Variants in LDB2 observed in about 807,000 individuals in gnomAD.
The protein encoded by LDB2 is LIM domain-binding protein 2.
LDB2 carries 12 observed loss-of-function variants against 44.3 expected under a neutral mutation model. The observed-to-expected ratio is 0.27, with a 90% CI of 0.17 to 0.44. LDB2 has a LOEUF of 0.44. Among genes scored for constraint, LDB2 ranks in the 20% least tolerant of loss-of-function variants. The pLI is 1.00. For synonymous variants in LDB2, 164 were observed against 174.8 expected, an observed-to-expected ratio of 0.94 and a Z score of 0.49; for missense variants, 344 against 473.5, an observed-to-expected ratio of 0.73 and a Z score of 2.54.
At position 16,571,644 on chromosome 4, in the gene LDB2, A is replaced by G. The variant is rs140125827; in HGVS notation, c.615+14278T>C. Among the ~76,000 whole-genome samples, 651 of 152,270 alleles carry G rather than the reference A, an allele frequency of 4.3e-3. 4 individuals are homozygous for G. The highest frequency in any genetic ancestry group is 0.015 in the African/African-American group (613 of 41,552). ...GAGTCCCAGGACCTTTCTGAGCCTCAGTTTCTTTTTCTGTAAAACTAGGCC... is the reference window on the plus strand; with the variant it reads ...GAGTCCCAGGACCTTTCTGAGCCTCGGTTTCTTTTTCTGTAAAACTAGGCC... On this transcript the variant is annotated intron_variant, in intron 5 of 7. Coordinates refer to ENST00000304523, the MANE Select transcript of LDB2 (RefSeq NM_001290.5).
chr4:16,743,969 C>A (rs1262887682), intron 2 of LDB2, among the ~76,000 whole-genome samples: 2 of 152,180 alleles, frequency 1.3e-5, no homozygotes. Flanking sequence ...TTACACATCA[C>A]TAAAATCAAG....
intron 1 of LDB2, among the ~76,000 whole-genome samples, chr4:16,897,895 A>AATATATATAT (rs1174965862): frequency 2.9e-4 from 23 of 78,152 alleles, no homozygotes; most frequent in African/African-American, 6.5e-4. Flanking sequence ...TAAAAAAGAA[A>AATATATATAT]ATATATATAT....
chr4:16,868,559 G>A (rs1314370281), intron 1 of LDB2, among the ~76,000 whole-genome samples: 4 of 152,110 alleles, frequency 2.6e-5, no homozygotes, highest in East Asian at 1.9e-4. Flanking sequence ...AAAGCAAAAC[G>A]AATATTCACT....
At chr4:16,642,700 T>C (rs1209753458) in intron 2 of LDB2, among the ~76,000 whole-genome samples, 1 of 152,154 alleles carries the variant, frequency 6.6e-6, no homozygotes, top group Non-Finnish European at 1.5e-5. Flanking sequence ...AGGAAGCCCA[T>C]GGACCTTTCT....
chr4:16,608,538 C>G (rs1724611623), intron 2 of LDB2, among the ~76,000 whole-genome samples: 1 of 152,230 alleles, frequency 6.6e-6, no homozygotes, highest in Non-Finnish European at 1.5e-5. Context: ...AAAGCGGCCT[C>G]TGCGCATTCT....
At chr4:16,661,308 T>C (rs1741518992) in intron 2 of LDB2, among the ~76,000 whole-genome samples, 1 of 152,202 alleles carries the variant, frequency 6.6e-6, no homozygotes, top group Admixed American at 6.5e-5. Flanking sequence ...CCAAGTACTA[T>C]TACTTTGGCC....
intron 1 of LDB2, among the ~76,000 whole-genome samples, chr4:16,882,059 T>A (rs1720298212): frequency 6.6e-6 from 1 of 152,244 alleles, no homozygotes; most frequent in Non-Finnish European, 1.5e-5. Context: ...TATGCACGTG[T>A]GTGCATGTCT....
intron 2 of LDB2, among the ~76,000 whole-genome samples, chr4:16,745,795 C>G (rs973803474): frequency 9.3e-5 from 14 of 150,152 alleles, no homozygotes; most frequent in African/African-American, 3.4e-4. Flanking sequence ...CTGGGAGGAG[C>G]AAATGAGGAG....
intron 5 of LDB2, among the ~76,000 whole-genome samples, chr4:16,568,255 A>C (rs1348617585): frequency 2.0e-5 from 3 of 152,226 alleles, no homozygotes; most frequent in Non-Finnish European, 4.4e-5. Context: ...GAATCAGAGA[A>C]TTAATTAAAC....
At chr4:16,638,010 C>T (rs548602288) in intron 2 of LDB2, among the ~76,000 whole-genome samples, 19 of 152,200 alleles carry the variant, frequency 1.2e-4, no homozygotes, top group African/African-American at 4.3e-4. Flanking sequence ...TTTTAAAGCA[C>T]GATATTAACT....
At chr4:16,809,225 T>C (rs1245701923) in intron 1 of LDB2, among the ~76,000 whole-genome samples, 1 of 152,206 alleles carries the variant, frequency 6.6e-6, no homozygotes, top group Admixed American at 6.5e-5. Flanking sequence ...ATAACAGATA[T>C]TGACATTGTG....
At chr4:16,527,777 C>T (rs1275033449) in intron 5 of LDB2, among the ~76,000 whole-genome samples, 1 of 152,042 alleles carries the variant, frequency 6.6e-6, no homozygotes, top group Non-Finnish European at 1.5e-5. Flanking sequence ...TTTAAATTTA[C>T]AAGAGGGTAG....
Position 16,833,537 on chromosome 4 carries a change from TTTTCCTC to T in LDB2, c.132+64810_132+64816del, listed in dbSNP as rs1210143781. Among the ~76,000 whole-genome samples, 1,287 of 139,200 alleles carry T rather than the reference TTTTCCTC, an allele frequency of 9.2e-3. 18 individuals carry two copies. Among genetic ancestry groups the T allele is most frequent in the African/African-American group, 0.033 (1,226 of 37,648 alleles). 91.3% of individuals were successfully genotyped at this position (139,200 alleles called of 152,430 possible). A position where few individuals can be genotyped will look rare whatever the true frequency, so the allele number is the denominator to read the frequency against. The stretch of plus-strand genomic sequence containing the variant: ...CCAACAGCTTCACTTTCCACCAATC[TTTTCCTC>T]TTTTTTTTTTTTTTTTTGAGACGGA... On this transcript the variant is annotated intron_variant, in intron 1 of 7. Transcript: ENST00000304523.
chr4:16,683,716 T>C (rs1418573820), intron 2 of LDB2, among the ~76,000 whole-genome samples: 3 of 152,228 alleles, frequency 2.0e-5, no homozygotes, highest in Non-Finnish European at 4.4e-5. Context: ...TATTCGTTAA[T>C]GTTAGATTCC....
intron 2 of LDB2, among the ~76,000 whole-genome samples, chr4:16,669,836 A>G (rs1744259317): frequency 1.3e-5 from 2 of 152,290 alleles, no homozygotes; most frequent in South Asian, 2.1e-4. Context: ...AATTTTTGTC[A>G]CTGCCAGTGT....
chr4:16,716,226 T>C (rs1757049069), intron 2 of LDB2, among the ~76,000 whole-genome samples: 1 of 152,314 alleles, frequency 6.6e-6, no homozygotes, highest in East Asian at 1.9e-4. Context: ...GCTCAGGCTG[T>C]CCTGCAACAA....
At chr4:16,756,477 G>A (rs1159294623) in intron 2 of LDB2, among the ~76,000 whole-genome samples, 2 of 152,148 alleles carry the variant, frequency 1.3e-5, no homozygotes, top group South Asian at 4.2e-4. Context: ...AGATCAGATC[G>A]TAACCCAGAG....
At chr4:16,628,921 G>C (rs1329222453) in intron 2 of LDB2, among the ~76,000 whole-genome samples, 1 of 152,190 alleles carries the variant, frequency 6.6e-6, no homozygotes, top group African/African-American at 2.4e-5. Flanking sequence ...TTTTCCCATG[G>C]TCTCACAACC....
At chr4:16,717,442 C>T (rs779490312) in intron 2 of LDB2, among the ~76,000 whole-genome samples, 50 of 151,960 alleles carry the variant, frequency 3.3e-4, no homozygotes, top group Non-Finnish European at 6.3e-4. Context: ...CCAGAAAAGT[C>T]GTGGGTAATG....
Sources: allele counts gnomAD v4.1 joint callset (sites outside exome capture counted in the v4.1 genomes callset), GRCh38; gene constraint gnomAD v4.1.1; transcripts MANE v1.5; gene names NCBI Gene and HGNC (gene_info 2026-07-23, HGNC 2026-07-21).